Variants in LYPLA1 observed in about 807,000 individuals in gnomAD.
LYPLA1 encodes acyl-protein thioesterase 1.
LYPLA1 carries 17 observed loss-of-function variants against 34.0 expected under a neutral mutation model. That is an observed-to-expected ratio of 0.50 (90% CI 0.34 to 0.75). The LOEUF is 0.75. Ranked by LOEUF, LYPLA1 falls within the 30% of genes least tolerant of loss-of-function variation. The pLI, the probability that LYPLA1 is intolerant of heterozygous loss-of-function variation, is 0.01. For synonymous variants in LYPLA1, 98 were observed against 100.8 expected, an observed-to-expected ratio of 0.97 and a Z score of 0.17; for missense variants, 203 against 288.8, an observed-to-expected ratio of 0.70 and a Z score of 2.15.
In LYPLA1 at chr8:54,098,354, G is replaced by A. The variant is rs1001176516; in HGVS notation, c.101+2554C>T. ...GAATGATTCGTGTCCTGGGTGAGAC[G>A]GAATGAGATTTCATCACAATACTCA... On this transcript the variant is annotated intron_variant, in intron 2 of 8. Transcript: ENST00000316963. Among the ~76,000 whole-genome samples, 4 of 152,100 alleles carry A rather than the reference G, an allele frequency of 2.6e-5. No homozygotes were observed. The East Asian group carries it at 5.8e-4, about 22-fold the overall frequency.
Position 54,052,669 on chromosome 8 carries a change from C to T in LYPLA1, c.448G>A (p.Ala150Thr). 1 of 1,613,122 alleles carries T rather than the reference C, an allele frequency of 6.2e-7. No individual in the cohort carries two copies. Among genetic ancestry groups the T allele is most frequent in the East Asian group, 2.2e-5 (1 of 44,878 alleles). ...AACCAAGTTACCTGTGGAAAGGAAG[C>T]CCGAAGTGGAAGCCAGCAACTGAGT... ...TALSCWLPLR[A>T]SFPQGPIGGA... The change falls in exon 7 of 9, where the codon GCT becomes ACT. Residue 150 changes from alanine to threonine, a missense_variant. By Grantham distance (58) the Ala-to-Thr change is moderately conservative. Transcript: ENST00000316963.
intron 4 of LYPLA1, among the ~76,000 whole-genome samples, chr8:54,062,862 T>C (rs143067212): frequency 6.6e-6 from 1 of 152,064 alleles, no homozygotes; most frequent in Admixed American, 6.6e-5. Flanking sequence ...AGAGAACAGT[T>C]AGGAAAAATC....
chr8:54,069,233 C>G (rs1807292497), intron 2 of LYPLA1, among the ~76,000 whole-genome samples: 1 of 152,020 alleles, frequency 6.6e-6, no homozygotes, highest in African/African-American at 2.4e-5. Flanking sequence ...TTTCAAAATG[C>G]TAGAAGAAAG....
At chr8:54,053,545 T>C (rs1015653009) in intron 6 of LYPLA1, 4 of 454,060 alleles carry the variant, frequency 8.8e-6, no homozygotes, top group East Asian at 7.0e-5. Context: ...ACTCTGACCA[T>C]GCCCATGGGT....
intron 2 of LYPLA1, among the ~76,000 whole-genome samples, chr8:54,085,114 C>T (rs1305040700): frequency 2.0e-5 from 3 of 152,256 alleles, no homozygotes; most frequent in Non-Finnish European, 2.9e-5. Context: ...GATTCTCCTG[C>T]CTCAGCCTGC....
chr8:54,099,533 C>T (rs1809951891), intron 2 of LYPLA1, among the ~76,000 whole-genome samples: 1 of 152,112 alleles, frequency 6.6e-6, no homozygotes. Context: ...CAAAAATTAG[C>T]TGGCATGGTG....
chr8:54,070,957 C>T (rs917927074), intron 2 of LYPLA1, among the ~76,000 whole-genome samples: 1 of 152,098 alleles, frequency 6.6e-6, no homozygotes, highest in Non-Finnish European at 1.5e-5. Context: ...GTGAATACAT[C>T]TAAAACCATC....
At chr8:54,049,919 T>C (rs978053227) in intron 8 of LYPLA1, among the ~76,000 whole-genome samples, 3 of 152,158 alleles carry the variant, frequency 2.0e-5, no homozygotes, top group Non-Finnish European at 4.4e-5. Context: ...TCCTAAACTA[T>C]TTCTCCTTAA....
intron 2 of LYPLA1, among the ~76,000 whole-genome samples, chr8:54,081,442 A>C (rs1217233535): frequency 6.6e-6 from 1 of 151,884 alleles, no homozygotes; most frequent in Non-Finnish European, 1.5e-5. Flanking sequence ...GAAGAAAAAA[A>C]AAACAACTGG....
chr8:54,052,622 G>A, intron 7 of LYPLA1, 33 bp downstream of exon 7: 1 of 1,336,964 alleles, frequency 7.5e-7, no homozygotes, highest in Middle Eastern at 2.3e-4. Context: ...CTTTAGCTCA[G>A]TAATCTCATG....
rs374944943 is a variant in LYPLA1, at chr8:54,055,069, C to A, written c.351G>T (p.Gly117=). 2 of 1,602,176 alleles carry A rather than the reference C, an allele frequency of 1.2e-6. No individual in the cohort carries two copies. Among genetic ancestry groups the A allele is most frequent in the Non-Finnish European group, 1.7e-6 (2 of 1,170,198 alleles). The part of the protein sequence containing the change: ...GIPSNRIILG[G]FSQGGALSLY... ...TCAAATTTTATCTTACCTGAGAAAACCCTCCCAAAATAATTCTGTTAGAAG... is the reference window on the plus strand; with the variant it reads ...TCAAATTTTATCTTACCTGAGAAAAACCTCCCAAAATAATTCTGTTAGAAG... The change falls in exon 6 of 9, where the codon GGG becomes GGT. Residue 117 remains glycine (G), a synonymous_variant. Transcript: ENST00000316963.
chr8:54,065,949 T>C (rs896494988), intron 2 of LYPLA1, 136 bp from the exon 3 acceptor site: 3 of 649,612 alleles, frequency 4.6e-6, no homozygotes, highest in Non-Finnish European at 8.3e-6. Flanking sequence ...TGTTTGTTTG[T>C]TTTTTGAGAT....
intron 2 of LYPLA1, among the ~76,000 whole-genome samples, chr8:54,074,278 T>G (rs1807726641): frequency 6.6e-6 from 1 of 152,128 alleles, no homozygotes; most frequent in African/African-American, 2.4e-5. Context: ...AGTCATAGAT[T>G]AAAAAGACTG....
In LYPLA1 at chr8:54,085,740, G is replaced by A. The variant is rs558443839; in HGVS notation, c.101+15168C>T. ...TGACAAGTGAGGAGCCCCTCCGCCC[G>A]GCCAGCCGCCCCGTCAGTTAGGTGG... is the stretch of plus-strand genomic sequence containing the variant. On this transcript the variant is annotated intron_variant, in intron 2 of 8. Coordinates refer to ENST00000316963, the MANE Select transcript of LYPLA1 (RefSeq NM_006330.4). 3.6e-4 allele frequency among the ~76,000 whole-genome samples: 54 copies of A among 148,748 alleles called. 1 individual carries two copies. The highest frequency in any genetic ancestry group is 2.1e-4 in the South Asian group (1 of 4,748).
chr8:54,061,849 G>GTTTGTT (rs528560067), intron 5 of LYPLA1, among the ~76,000 whole-genome samples: 3 of 151,914 alleles, frequency 2.0e-5, no homozygotes, highest in Non-Finnish European at 2.9e-5. Context: ...GTTTTTTTTG[G>GTTTGTT]TTTGTTTTTG....
rs1360184127 is a variant in LYPLA1 at position 54,073,839 on chromosome 8, T to C, written c.102-8026A>G. Among the ~76,000 whole-genome samples the C allele has an allele frequency of 2.0e-5, 3 of 152,376 alleles. No homozygotes were observed. The East Asian group carries it at 5.8e-4, about 29-fold the overall frequency. On this transcript the variant is annotated intron_variant, in intron 2 of 8. Coordinates refer to ENST00000316963, the MANE Select transcript of LYPLA1 (RefSeq NM_006330.4). ...CCCAAGTCCAGTGTTTCTTGATACA[T>C]GTAATTCTACCAAAGTCTTCTTAAT...
intron 6 of LYPLA1, chr8:54,053,421 G>A: frequency 3.0e-6 from 1 of 329,630 alleles, no homozygotes; most frequent in South Asian, 2.5e-5. Flanking sequence ...TTCTAAATGA[G>A]AATTTAAGAT....
intron 2 of LYPLA1, among the ~76,000 whole-genome samples, chr8:54,083,627 G>C (rs1808473242): frequency 1.3e-5 from 2 of 152,108 alleles, no homozygotes; most frequent in South Asian, 4.1e-4. Context: ...ATTAACTATA[G>C]ACAACATGTA....
chr8:54,096,280 CAGAAT>C (rs1809676368), intron 2 of LYPLA1, among the ~76,000 whole-genome samples: 1 of 152,116 alleles, frequency 6.6e-6, no homozygotes, highest in Non-Finnish European at 1.5e-5. Context: ...TAAAACATAA[CAGAAT>C]AGAACATAAC....
Sources: gnomAD v4.1 joint callset for allele counts (sites outside exome capture counted in the v4.1 genomes callset) on GRCh38, gnomAD v4.1.1 for gene constraint, MANE v1.5 for transcripts, NCBI Gene and HGNC (gene_info 2026-07-23, HGNC 2026-07-21) for gene names.